DOP1B: variants seen among roughly 807,000 people sequenced by gnomAD.
The protein encoded by DOP1B is protein DOP1B.
DOP1B carries 174 observed loss-of-function variants against 233.5 expected under a neutral mutation model. That is an observed-to-expected ratio of 0.75 (90% CI 0.66 to 0.85). The LOEUF is 0.85. Ranked by LOEUF, DOP1B falls within the 40% of genes least tolerant of loss-of-function variation. DOP1B has a pLI of 0.00. For missense variants in DOP1B, 2,652 were observed against 2,846.6 expected (o/e 0.93, Z 1.56); for synonymous variants, 1,190 against 1,185.6 (o/e 1.00, Z -0.08).
At chr21:36,241,988 A>G (rs1192446849) in intron 18 of DOP1B, among the ~76,000 whole-genome samples, 1 of 151,886 alleles carries the variant, frequency 6.6e-6, no homozygotes, top group Non-Finnish European at 1.5e-5. Context: ...CCTATCAAAT[A>G]GGAAACATTT....
At chr21:36,197,995 G>A (rs1275148687) in intron 2 of DOP1B, among the ~76,000 whole-genome samples, 1 of 149,646 alleles carries the variant, frequency 6.7e-6, no homozygotes, top group Admixed American at 6.8e-5. Flanking sequence ...ACTCCGGCCT[G>A]GGCAACAGAG....
rs757906521 is a variant in DOP1B, at chr21:36,289,102, A to G, written c.6411A>G (p.Ser2137=). The part of the protein sequence containing the change: ...KVSVPDANGP[S]VGEIPQSELI... ...CAGTCCCGGATGCAAATGGACCCTC[A>G]GTGGGGGAGATACCCCAGAGTGAAC... The change falls in exon 35 of 37, where the codon TCA becomes TCG. Residue 2137 remains serine (S), a synonymous_variant. Transcript: ENST00000691173. 1.2e-6 allele frequency: 2 copies of G among 1,613,914 alleles called. No homozygotes were observed.
At chr21:36,256,779 CTG>C (rs2067102648) in intron 23 of DOP1B, among the ~76,000 whole-genome samples, 2 of 151,586 alleles carry the variant, frequency 1.3e-5, no homozygotes, top group African/African-American at 4.9e-5. Context: ...AAAAAAACAA[CTG>C]TGTCCTCACT....
intron 2 of DOP1B, among the ~76,000 whole-genome samples, chr21:36,170,744 T>C (rs2065965281): frequency 6.6e-6 from 1 of 151,216 alleles, no homozygotes; most frequent in South Asian, 2.1e-4. Flanking sequence ...GCAGTGAGCA[T>C]GATCATGCCA....
Position 36,219,469 on chromosome 21 carries a change from C to G in DOP1B, c.1227C>G (p.Thr409=). 1.2e-6 allele frequency: 2 copies of G among 1,614,110 alleles called. No homozygotes were observed. The highest frequency in any genetic ancestry group is 1.6e-4 in the Middle Eastern group (1 of 6,062). The change falls in exon 10 of 37, where the codon ACC becomes ACG. Residue 409 remains threonine (T), a synonymous_variant. Transcript: ENST00000691173. ...GCTCTGATCTTAAACTTAGCTACAC[C>G]CAGAGTGGAAATTCGCTGATAAGGT... ...ALGSDLKLSY[T]QSGNSLISAI... is the part of the protein sequence containing the mutation.
chr21:36,221,149 A>G (rs1325766020), intron 10 of DOP1B, among the ~76,000 whole-genome samples: 1 of 152,112 alleles, frequency 6.6e-6, no homozygotes, highest in African/African-American at 2.4e-5. Context: ...GAGTAGCTCT[A>G]CACTATTCTC....
intron 14 of DOP1B, among the ~76,000 whole-genome samples, chr21:36,232,413 C>T (rs2066778322): frequency 6.6e-6 from 1 of 152,180 alleles, no homozygotes; most frequent in South Asian, 2.1e-4. Context: ...CCTCTGAGAC[C>T]CTGGATGGAA....
chr21:36,232,592 A>G (rs1601432542), intron 14 of DOP1B, among the ~76,000 whole-genome samples: 1 of 152,222 alleles, frequency 6.6e-6, no homozygotes, highest in East Asian at 1.9e-4. Context: ...ATATTGGATT[A>G]GGGCCCACCC....
chr21:36,268,746 CACAAG>C (rs1310485160), intron 26 of DOP1B, among the ~76,000 whole-genome samples: 4 of 151,846 alleles, frequency 2.6e-5, no homozygotes, highest in African/African-American at 9.7e-5. Flanking sequence ...CTTGGCTCAC[CACAAG>C]CTCTGTCATC....
Position 36,245,252 on chromosome 21 carries a change from A to G in DOP1B, c.3272A>G (p.Tyr1091Cys). 6.2e-7 allele frequency: 1 copy of G among 1,614,120 alleles called. No homozygotes were observed. The highest frequency in any genetic ancestry group is 1.1e-5 in the South Asian group (1 of 91,086). ...GAGCTGAGCGAGGAAGAGCTGCCCT[A>G]CTACGTGGAGCTTCCAGACAGGACG... ...RGELSEEELP[Y>C]YVELPDRTAH... Residue 1091 changes from tyrosine (Y) to cysteine (C), a missense_variant, in exon 19 of 37, where the codon TAC becomes TGC. Coordinates refer to ENST00000691173, the MANE Select transcript of DOP1B (RefSeq NM_001320714.2). This position sits in a 1 kb window ranked among gnomAD's most constrained non-coding sequence, Gnocchi z 5.5.
intron 1 of DOP1B, 101 bp from the exon 2 acceptor site, chr21:36,164,607 C>T: frequency 2.2e-6 from 2 of 895,714 alleles, no homozygotes; most frequent in South Asian, 2.1e-5. Context: ...AGTTTGTGCA[C>T]AGTTGTGTTT....
At chr21:36,182,881 G>C (rs143065452) in intron 2 of DOP1B, among the ~76,000 whole-genome samples, 44 of 152,306 alleles carry the variant, frequency 2.9e-4, no homozygotes, top group African/African-American at 1.0e-3. Flanking sequence ...AGAATGCTTG[G>C]ATCTTTTGGG....
intron 24 of DOP1B, chr21:36,261,825 C>T: frequency 2.0e-6 from 1 of 507,432 alleles, no homozygotes; most frequent in Non-Finnish European, 2.5e-6. Flanking sequence ...GCAGGTGAAT[C>T]ACTTGAACCC....
chr21:36,225,281 G>A (rs2066669175), intron 11 of DOP1B, among the ~76,000 whole-genome samples: 1 of 151,572 alleles, frequency 6.6e-6, no homozygotes, highest in Admixed American at 6.6e-5. Context: ...CCAGGCTGGA[G>A]TGCAGTGGTG....
rs769285212 is a variant in DOP1B at position 36,245,860 on chromosome 21, T to G, written c.3880T>G (p.Phe1294Val). Residue 1294 changes from phenylalanine (F) to valine (V), a missense_variant, in exon 19 of 37, where the codon TTC (phenylalanine) becomes GTC (valine). Phe to Val is a conservative substitution (Grantham distance 50). Around this residue, in one of 3 missense-constraint regions of DOP1B, gnomAD observed 2,617 missense variants for 2,794.3 expected, o/e 0.94. Transcript: ENST00000691173. The surrounding 1 kb of genome is among the most constrained non-coding windows in gnomAD (Gnocchi z 5.5). Reference sequence around the variant, plus strand: ...CCAGGAGGCCCTCATTGGCCAGAGTTTCTACGGAAAGCTCCAGACCCAGGT... The same window carrying G: ...CCAGGAGGCCCTCATTGGCCAGAGTGTCTACGGAAAGCTCCAGACCCAGGT... ...RHQEALIGQS[F>V]YGKLQTQVPN... 1.2e-6 allele frequency: 2 copies of G among 1,613,556 alleles called. No individual in the cohort carries two copies. Among genetic ancestry groups the G allele is most frequent in the Non-Finnish European group, 1.7e-6 (2 of 1,179,966 alleles).
At chr21:36,272,873 A>C (rs146722010) in intron 27 of DOP1B, among the ~76,000 whole-genome samples, 1,543 of 146,922 alleles carry the variant, frequency 0.011, 34 homozygotes, top group African/African-American at 0.037. Flanking sequence ...AATCCCATCT[A>C]CTCCGGAGGC....
intron 8 of DOP1B, 120 bp downstream of exon 8, chr21:36,214,310 C>T (rs2123501853): frequency 8.1e-7 from 1 of 1,239,744 alleles, no homozygotes; most frequent in East Asian, 2.4e-5. Flanking sequence ...TGGGGAACTG[C>T]AGGGTATTTG....
At chr21:36,180,914 C>T (rs2066091756) in intron 2 of DOP1B, among the ~76,000 whole-genome samples, 1 of 151,746 alleles carries the variant, frequency 6.6e-6, no homozygotes, top group African/African-American at 2.4e-5. Flanking sequence ...TCACTTATGT[C>T]CTTAAGAGTT....
chr21:36,182,592 G>A (rs1056682663), intron 2 of DOP1B, among the ~76,000 whole-genome samples: 1 of 152,182 alleles, frequency 6.6e-6, no homozygotes, highest in African/African-American at 2.4e-5. Context: ...CCAGCACTTG[G>A]CTGAGGCGGG....
Sources: allele counts gnomAD v4.1 joint callset (sites outside exome capture counted in the v4.1 genomes callset), GRCh38; gene constraint gnomAD v4.1.1; regional missense constraint gnomAD v4.1.1; non-coding constraint Gnocchi (gnomAD v3.1); transcripts MANE v1.5; gene names NCBI Gene and HGNC (gene_info 2026-07-23, HGNC 2026-07-21).